The following PTPN13 variants were observed in gnomAD, a reference collection of about 807,000 sequenced individuals.
PTPN13 encodes tyrosine-protein phosphatase non-receptor type 13.
In PTPN13, 191 loss-of-function variants were observed where a neutral mutation model predicts 284.0. The observed-to-expected ratio is 0.67, with a 90% CI of 0.60 to 0.76. PTPN13 has a LOEUF of 0.76. Ranked by LOEUF, PTPN13 falls within the 30% of genes least tolerant of loss-of-function variation. PTPN13 has a pLI of 0.00. For synonymous variants in PTPN13, 986 were observed against 1,022.3 expected (o/e 0.96, Z 0.68); for missense variants, 2,797 against 2,939.9 (o/e 0.95, Z 1.12).
chr4:86,731,934 A>G (rs1363152804), intron 10 of PTPN13, among the ~76,000 whole-genome samples: 1 of 152,166 alleles, frequency 6.6e-6, no homozygotes, highest in Admixed American at 6.6e-5. Flanking sequence ...GCCAGCACAC[A>G]TACCCTACGA....
intron 10 of PTPN13, among the ~76,000 whole-genome samples, chr4:86,725,888 T>C (rs1451986761): frequency 6.7e-6 from 1 of 149,718 alleles, no homozygotes; most frequent in Non-Finnish European, 1.5e-5. Context: ...CATGAAGTCC[T>C]TACCCATCCC....
chr4:86,608,298 TGAG>T (rs1477167028), intron 1 of PTPN13, among the ~76,000 whole-genome samples: 9 of 152,192 alleles, frequency 5.9e-5, no homozygotes, highest in Admixed American at 5.9e-4. Flanking sequence ...TTTGTTAAGT[TGAG>T]GAACAAATTA....
At chr4:86,757,762 C>CAAAAAAAA (rs542129918) in intron 20 of PTPN13, among the ~76,000 whole-genome samples, 11 of 112,516 alleles carry the variant, frequency 9.8e-5, no homozygotes, top group African/African-American at 3.5e-4. Context: ...GACTCTGTCT[C>CAAAAAAAA]AAAAAAAAAA....
At chr4:86,686,675 A>C in intron 3 of PTPN13, 35 bp from the exon 4 acceptor site, 1 of 1,351,866 alleles carries the variant, frequency 7.4e-7, no homozygotes, top group Non-Finnish European at 1.0e-6. Context: ...ATTGTATTTT[A>C]TCATAAAATT....
At chr4:86,658,240 C>T (rs1387819631) in intron 2 of PTPN13, among the ~76,000 whole-genome samples, 1 of 152,152 alleles carries the variant, frequency 6.6e-6, no homozygotes, top group African/African-American at 2.4e-5. Context: ...CAGCACTGAG[C>T]TCCATTGTAA....
intron 16 of PTPN13, among the ~76,000 whole-genome samples, chr4:86,742,912 G>C (rs1736313211): frequency 6.6e-6 from 1 of 152,168 alleles, no homozygotes; most frequent in South Asian, 2.1e-4. Context: ...CACATATATA[G>C]AACGAGCTGT....
In PTPN13 at chr4:86,701,575, T is replaced by C; in HGVS notation, c.969T>C (p.Arg323=). Residue 323 remains arginine, a synonymous_variant, in exon 7 of 48, where the codon CGT becomes CGC. Transcript: ENST00000411767. ...FSSGETATYR[R]CHPEAVTVRT... ...CAGGAGAGACTGCCACATATCGTCGTTGTCACCCTGAGGCAGTAACAGTGC... is the reference window on the plus strand; with the variant it reads ...CAGGAGAGACTGCCACATATCGTCGCTGTCACCCTGAGGCAGTAACAGTGC... The C allele has an allele frequency of 1.2e-6, 2 of 1,613,884 alleles. No individual in the cohort carries two copies. Among genetic ancestry groups the C allele is most frequent in the Non-Finnish European group, 1.7e-6 (2 of 1,179,808 alleles).
intron 6 of PTPN13, among the ~76,000 whole-genome samples, chr4:86,700,093 A>G (rs1730992783): frequency 6.6e-6 from 1 of 152,162 alleles, no homozygotes; most frequent in African/African-American, 2.4e-5. Context: ...TTAAGCAATT[A>G]TTTGCTGCCA....
intron 27 of PTPN13, among the ~76,000 whole-genome samples, chr4:86,766,966 C>A (rs992591107): frequency 2.5e-4 from 38 of 152,308 alleles, no homozygotes; most frequent in African/African-American, 8.2e-4. Flanking sequence ...GAGGCCCAGG[C>A]TGGAGTGCAG....
At chr4:86,783,527 T>A (rs927470465) in intron 37 of PTPN13, among the ~76,000 whole-genome samples, 1 of 151,954 alleles carries the variant, frequency 6.6e-6, no homozygotes, top group Admixed American at 6.6e-5. Context: ...TTGGTTGGAG[T>A]TAAAATCTTC....
Position 86,701,399 on chromosome 4 carries a change from C to T in PTPN13, c.793C>T (p.Arg265Cys), listed in dbSNP as rs760047283. The change falls in exon 7 of 48, where the codon CGT (arginine) becomes TGT (cysteine). Residue 265 changes from arginine (R) to cysteine (C), a missense_variant. Physicochemically the swap from Arg to Cys is radical, Grantham distance 180. Coordinates refer to ENST00000411767, the MANE Select transcript of PTPN13 (RefSeq NM_080683.3). Reference protein sequence around the residue: ...FKDILSDNSGREDSENTFSPY... With the variant: ...FKDILSDNSGCEDSENTFSPY... ...GGACATTTTATCAGATAATTCTGGA[C>T]GTGAAGATTCTGAAAATACATTCTC... 9 of 1,613,336 alleles carry T rather than the reference C, an allele frequency of 5.6e-6. No individual in the cohort carries two copies. The highest frequency in any genetic ancestry group is 1.7e-5 in the Admixed American group (1 of 59,950).
chr4:86,665,828 G>C (rs1351850992), intron 2 of PTPN13, among the ~76,000 whole-genome samples: 9 of 152,030 alleles, frequency 5.9e-5, no homozygotes, highest in Non-Finnish European at 1.3e-4. Flanking sequence ...TGTCTTCTGT[G>C]GGGGGAAAAT....
chr4:86,723,848 T>G (rs1733937146), intron 10 of PTPN13, among the ~76,000 whole-genome samples: 1 of 152,200 alleles, frequency 6.6e-6, no homozygotes, highest in African/African-American at 2.4e-5. Flanking sequence ...TCTAGAATGA[T>G]TTTTTTCTTT....
intron 39 of PTPN13, among the ~76,000 whole-genome samples, 157 bp from the exon 40 acceptor site, chr4:86,785,691 T>G (rs1049866777): frequency 6.6e-6 from 1 of 152,192 alleles, no homozygotes; most frequent in South Asian, 2.1e-4. Flanking sequence ...TATACCAAAA[T>G]GTACTTGATC....
chr4:86,596,407 T>G (rs751532994), intron 1 of PTPN13, among the ~76,000 whole-genome samples: 5 of 152,194 alleles, frequency 3.3e-5, no homozygotes, highest in Non-Finnish European at 5.9e-5. Flanking sequence ...ACAAGTAACA[T>G]ACACGCACAC....
chr4:86,761,844 C>T (rs555519518), intron 23 of PTPN13, among the ~76,000 whole-genome samples: 1 of 152,256 alleles, frequency 6.6e-6, no homozygotes, highest in Non-Finnish European at 1.5e-5. Flanking sequence ...TCCAGTTGCT[C>T]ATTACTCTTA....
intron 3 of PTPN13, among the ~76,000 whole-genome samples, chr4:86,674,803 G>C (rs1042521800): frequency 1.3e-5 from 2 of 152,162 alleles, no homozygotes; most frequent in African/African-American, 4.8e-5. Context: ...AAGTGTACCA[G>C]TAATGTTTTA....
chr4:86,652,332 T>C (rs1295627576), intron 2 of PTPN13, among the ~76,000 whole-genome samples: 4 of 152,208 alleles, frequency 2.6e-5, no homozygotes, highest in Admixed American at 2.6e-4. Flanking sequence ...ATTCTGTATT[T>C]TTTATGTACT....
chr4:86,714,725 C>A (rs568593905), intron 7 of PTPN13, among the ~76,000 whole-genome samples: 1 of 152,230 alleles, frequency 6.6e-6, no homozygotes, highest in Admixed American at 6.5e-5. Context: ...CCTTTATATA[C>A]CACTTATATA....
Sources: gnomAD v4.1 joint callset for allele counts (sites outside exome capture counted in the v4.1 genomes callset) on GRCh38, gnomAD v4.1.1 for gene constraint, MANE v1.5 for transcripts, NCBI Gene and HGNC (gene_info 2026-07-23, HGNC 2026-07-21) for gene names.